The following STAT5B variants were observed in gnomAD, a reference collection of about 807,000 sequenced individuals.
STAT5B encodes the protein signal transducer and activator of transcription 5B, also known as transcription factor STAT5B.
In STAT5B, 21 loss-of-function variants were observed where a neutral mutation model predicts 107.8. The ratio of observed to expected loss-of-function variants is 0.19; its 90% confidence interval spans 0.14 to 0.28. The LOEUF (loss-of-function observed/expected upper bound fraction) is 0.28, where lower values mean the gene tolerates loss of function less well. Ranked by LOEUF, STAT5B falls within the 10% of genes least tolerant of loss-of-function variation. The pLI, the probability that STAT5B is intolerant of heterozygous loss-of-function variation, is 1.00. For synonymous variants in STAT5B, 325 were observed against 401.7 expected (o/e 0.81, Z 2.28); for missense variants, 565 against 1,008.2 (o/e 0.56, Z 5.95).
At chr17:42,236,882 T>G (rs2080360927) in intron 1 of STAT5B, among the ~76,000 whole-genome samples, 1 of 152,216 alleles carries the variant, frequency 6.6e-6, no homozygotes, top group African/African-American at 2.4e-5. Flanking sequence ...CTACTCTGCA[T>G]CTACAAAGAC....
rs576817417 is a variant in STAT5B at position 42,224,957 on chromosome 17, C to T, written c.286-89G>A. On this transcript the variant is annotated intron_variant, in intron 3 of 18. Coordinates refer to ENST00000293328, the MANE Select transcript of STAT5B (RefSeq NM_012448.4). The stretch of plus-strand genomic sequence containing the variant: ...TCAGGATGGGGAGCCTCCTGAGGGA[C>T]CTCCTGAATCACAGGAGGCACTGTT... The T allele has an allele frequency of 2.7e-4, 359 of 1,305,928 alleles. 5 individuals carry two copies. The South Asian group carries it at 4.2e-3, about 15-fold the overall frequency. The allele number at this position is 1,305,928 out of a possible 1,614,324, so 80.9% of individuals were successfully genotyped here.
intron 2 of STAT5B, among the ~76,000 whole-genome samples, chr17:42,231,533 G>C (rs1264286176): frequency 2.0e-5 from 3 of 152,032 alleles, no homozygotes; most frequent in African/African-American, 7.3e-5. Context: ...ACAGAGACAG[G>C]GTTTTGCTAT....
At chr17:42,259,293 C>A (rs919971715) in intron 1 of STAT5B, among the ~76,000 whole-genome samples, 10 of 152,260 alleles carry the variant, frequency 6.6e-5, no homozygotes, top group Non-Finnish European at 1.5e-5. Flanking sequence ...TGAGCCACTG[C>A]ACCTGGCCAG....
At chr17:42,219,177 A>C in intron 7 of STAT5B, 135 bp downstream of exon 7, 1 of 1,405,724 alleles carries the variant, frequency 7.1e-7, no homozygotes, top group South Asian at 1.5e-5. Context: ...TGATTGAGGA[A>C]CCAGGCTCCC....
the STAT5B span, among the ~76,000 whole-genome samples, chr17:42,286,626 C>T: frequency 6.6e-6 from 1 of 152,166 alleles, no homozygotes; most frequent in Non-Finnish European, 1.5e-5. Flanking sequence ...CTTAAGCAGG[C>T]ACCCCCACCC....
chr17:42,208,650 A>G (rs187492580), intron 15 of STAT5B, among the ~76,000 whole-genome samples: 19 of 152,230 alleles, frequency 1.2e-4, no homozygotes, highest in Admixed American at 9.8e-4. Flanking sequence ...CTGGCCCCCA[A>G]TCCCTGATTT....
At chr17:42,206,776 C>T (rs1006347390) in intron 16 of STAT5B, among the ~76,000 whole-genome samples, 4 of 150,966 alleles carry the variant, frequency 2.6e-5, no homozygotes, top group East Asian at 2.0e-4. Flanking sequence ...GGTTTCTCCA[C>T]GTTGGTCAGG....
At chr17:42,223,257 T>C (rs2080245260) in intron 5 of STAT5B, 125 bp downstream of exon 5, 2 of 1,409,286 alleles carry the variant, frequency 1.4e-6, no homozygotes, top group Non-Finnish European at 2.0e-6. Context: ...AATAAGTCCC[T>C]GCTACTCAGA....
At chr17:42,279,925 G>A (rs2080788796), upstream of STAT5B, among the ~76,000 whole-genome samples, 4 of 152,268 alleles carry the variant, frequency 2.6e-5, no homozygotes, top group Admixed American at 2.0e-4. Context: ...TGTGTGCACA[G>A]ATGCTGAGGA....
chr17:42,244,697 T>C (rs1235150111), intron 1 of STAT5B, among the ~76,000 whole-genome samples: 2 of 152,090 alleles, frequency 1.3e-5, no homozygotes, highest in Non-Finnish European at 2.9e-5. Context: ...CCTAGCAAAA[T>C]TTTCTTTGAC....
chr17:42,265,827 T>C (rs1166840165), intron 1 of STAT5B, among the ~76,000 whole-genome samples: 1 of 152,232 alleles, frequency 6.6e-6, no homozygotes, highest in Non-Finnish European at 1.5e-5. Context: ...AAAAAACTTG[T>C]CATTTTTATT....
intron 1 of STAT5B, among the ~76,000 whole-genome samples, chr17:42,265,862 G>T (rs186821641): frequency 2.6e-5 from 4 of 152,146 alleles, no homozygotes; most frequent in African/African-American, 7.2e-5. Flanking sequence ...TCCAGTATGG[G>T]TGAACACTGT....
At chr17:42,236,531 T>A (rs901147619) in intron 1 of STAT5B, among the ~76,000 whole-genome samples, 1 of 152,160 alleles carries the variant, frequency 6.6e-6, no homozygotes, top group Non-Finnish European at 1.5e-5. Context: ...AGCCTCTGCC[T>A]CCCGAGTTCA....
chr17:42,207,519 AC>A (rs2144210307), intron 16 of STAT5B, 38 bp downstream of exon 16: 2 of 1,592,350 alleles, frequency 1.3e-6, no homozygotes, highest in South Asian at 1.1e-5. Context: ...ACACACACAC[AC>A]ACACAACAAA....
At chr17:42,262,859 C>CATATGTGTGTGTATATATACACAT (rs2080617795) in intron 1 of STAT5B, among the ~76,000 whole-genome samples, 1 of 114,544 alleles carries the variant, frequency 8.7e-6, no homozygotes, top group African/African-American at 3.3e-5. Flanking sequence ...TATATACACA[C>CATATGTGTGTGTATATATACACAT]ATATATGTGT....
the STAT5B span, among the ~76,000 whole-genome samples, chr17:42,283,358 G>T: frequency 6.6e-6 from 1 of 152,172 alleles, no homozygotes; most frequent in African/African-American, 2.4e-5. Flanking sequence ...GGCTGCAAAG[G>T]GTGGGCTCCT....
rs1263327405 is a variant in STAT5B at position 42,276,208 on chromosome 17, C to T, written c.-11+40G>A. 1 of 147,512 alleles carries T rather than the reference C, an allele frequency of 6.8e-6. No homozygotes were observed. The highest frequency in any genetic ancestry group is 1.5e-5 in the Non-Finnish European group (1 of 66,238). 9.1% of individuals were successfully genotyped at this position (147,512 alleles called of 1,614,324 possible). ...CCCGGGCTGGCTCCCCGGCCTGGCT[C>T]CCCCGGCCCCGGGCCCAGGGCTCGC... On this transcript the variant is annotated intron_variant, in intron 1 of 18. Transcript: ENST00000293328. The surrounding 1 kb of genome is among the most constrained non-coding windows in gnomAD (Gnocchi z 4.8).
At chr17:42,226,747 G>A (rs2080275092) in intron 3 of STAT5B, among the ~76,000 whole-genome samples, 1 of 149,424 alleles carries the variant, frequency 6.7e-6, no homozygotes, top group Non-Finnish European at 1.5e-5. Context: ...GGTGGAGGTT[G>A]CGGTGAGCCG....
intron 1 of STAT5B, among the ~76,000 whole-genome samples, chr17:42,262,446 A>T (rs1419560768): frequency 6.6e-6 from 1 of 151,696 alleles, no homozygotes; most frequent in Admixed American, 6.6e-5. Flanking sequence ...GGCAGAACAT[A>T]AATCTCTGGT....
Sources: gnomAD v4.1 joint callset for allele counts (sites outside exome capture counted in the v4.1 genomes callset) on GRCh38, gnomAD v4.1.1 for gene constraint, Gnocchi (gnomAD v3.1) non-coding constraint, MANE v1.5 for transcripts, NCBI Gene and HGNC (gene_info 2026-07-23, HGNC 2026-07-21) for gene names.